The following PLEKHA5 variants were observed in gnomAD, a reference collection of about 807,000 sequenced individuals.
PLEKHA5 encodes the protein pleckstrin homology domain-containing family A member 5.
A neutral mutation model predicts 181.9 loss-of-function variants in PLEKHA5; 55 were observed. That is an observed-to-expected ratio of 0.30 (90% CI 0.24 to 0.38). The LOEUF is 0.38. PLEKHA5 is among the 10% of genes least tolerant of loss of function. The pLI, the probability that PLEKHA5 is intolerant of heterozygous loss-of-function variation, is 1.00. For synonymous variants in PLEKHA5, 535 were observed against 529.4 expected (o/e 1.01, Z -0.15); for missense variants, 1,432 against 1,549.5 (o/e 0.92, Z 1.27).
At chr12:19,289,283 C>G (rs2077888542) in intron 13 of PLEKHA5, among the ~76,000 whole-genome samples, 1 of 152,226 alleles carries the variant, frequency 6.6e-6, no homozygotes. Flanking sequence ...ATAGTAACTT[C>G]TGCTAACACT....
chr12:19,318,328 A>G (rs916843818), intron 16 of PLEKHA5, among the ~76,000 whole-genome samples: 11 of 152,254 alleles, frequency 7.2e-5, no homozygotes, highest in African/African-American at 2.6e-4. Context: ...ATATATTTAT[A>G]TGGCTATAAA....
At chr12:19,136,086 A>G (rs1180309738) in intron 3 of PLEKHA5, among the ~76,000 whole-genome samples, 1 of 151,974 alleles carries the variant, frequency 6.6e-6, no homozygotes, top group Non-Finnish European at 1.5e-5. Flanking sequence ...GGGTCTTCCT[A>G]TGTTGCCCAG....
Position 19,322,373 on chromosome 12 carries a change from C to G in PLEKHA5, c.2281C>G (p.Gln761Glu). The G allele has an allele frequency of 6.2e-7, 1 of 1,611,564 alleles. No individual in the cohort carries two copies. The highest frequency in any genetic ancestry group is 8.5e-7 in the Non-Finnish European group (1 of 1,177,770). The change falls in exon 19 of 32, where the codon CAA (glutamine) becomes GAA (glutamate). Residue 761 changes from glutamine (Q) to glutamate (E), a missense_variant. Physicochemically the swap from Gln to Glu is conservative, Grantham distance 29. Around this residue, in one of 2 missense-constraint regions of PLEKHA5, gnomAD observed 1,143 missense variants for 1,168.4 expected, o/e 0.98. Transcript: ENST00000429027. ...VVHALEEKLQ[Q>E]LHKEKYTLEQ... Reference sequence around the variant, plus strand: ...GCATGCTCTGGAAGAGAAACTTCAGCAACTCCACAAGGAGAAAGTAGGACA... The same window carrying G: ...GCATGCTCTGGAAGAGAAACTTCAGGAACTCCACAAGGAGAAAGTAGGACA...
At chr12:19,307,659 C>A in intron 15 of PLEKHA5, 1 of 327,634 alleles carries the variant, frequency 3.1e-6, no homozygotes, top group South Asian at 3.5e-5. Context: ...GTCTAGGAGT[C>A]GTTGATGATT....
intron 13 of PLEKHA5, among the ~76,000 whole-genome samples, chr12:19,288,667 C>T (rs977813332): frequency 3.3e-5 from 5 of 152,098 alleles, no homozygotes; most frequent in Admixed American, 6.6e-5. Context: ...CTTTAAGCTT[C>T]CTGCAGTTTA....
intron 16 of PLEKHA5, among the ~76,000 whole-genome samples, chr12:19,317,856 G>A (rs2452184): frequency 0.011 from 1,698 of 148,184 alleles, 28 homozygotes; most frequent in African/African-American, 0.04. Context: ...TTACTACATA[G>A]CCCATTTTTT....
At chr12:19,356,361 CA>C (rs897940570) in intron 26 of PLEKHA5, among the ~76,000 whole-genome samples, 1 of 150,884 alleles carries the variant, frequency 6.6e-6, no homozygotes, top group Non-Finnish European at 1.5e-5. Flanking sequence ...CAAAAATTAC[CA>C]AAAAAAATTA....
intron 3 of PLEKHA5, among the ~76,000 whole-genome samples, chr12:19,134,260 G>A (rs1174534188): frequency 6.6e-6 from 1 of 151,920 alleles, no homozygotes; most frequent in Non-Finnish European, 1.5e-5. Flanking sequence ...TTATTTGAGT[G>A]CCATGTCTAA....
intron 3 of PLEKHA5, among the ~76,000 whole-genome samples, chr12:19,223,485 C>A (rs1321094297): frequency 6.6e-6 from 1 of 152,070 alleles, no homozygotes; most frequent in African/African-American, 2.4e-5. Context: ...CAATCCACAG[C>A]CATACTTGTT....
intron 8 of PLEKHA5, 79 bp downstream of exon 8, chr12:19,265,929 C>CA (rs1458644352): frequency 7.1e-6 from 5 of 699,492 alleles, no homozygotes; most frequent in East Asian, 5.3e-5. Context: ...TAGATTATTA[C>CA]AAAAAAGCTA....
intron 24 of PLEKHA5, among the ~76,000 whole-genome samples, 194 bp from the exon 25 acceptor site, chr12:19,348,205 C>T (rs79096559): frequency 0.093 from 14,084 of 152,072 alleles, 901 homozygotes; most frequent in Admixed American, 0.17. Context: ...AATATTAAAA[C>T]GAAGTTTTGC....
intron 13 of PLEKHA5, among the ~76,000 whole-genome samples, chr12:19,288,521 T>G (rs1465935695): frequency 6.6e-6 from 1 of 152,210 alleles, no homozygotes; most frequent in Non-Finnish European, 1.5e-5. Flanking sequence ...AAAGATGTGA[T>G]TTTAGCACCT....
rs1258966466 is a variant in PLEKHA5, at chr12:19,347,142, T to A, written c.2858T>A (p.Met953Lys). The change falls in exon 24 of 32, where the codon ATG (methionine) becomes AAG (lysine). Residue 953 changes from methionine (M) to lysine (K), a missense_variant. By Grantham distance (95) the Met-to-Lys change is moderately conservative (BLOSUM62 -1). Around this residue, in one of 2 missense-constraint regions of PLEKHA5, gnomAD observed 1,143 missense variants for 1,168.4 expected, o/e 0.98. Coordinates refer to ENST00000429027, the MANE Select transcript of PLEKHA5 (RefSeq NM_001256470.2). ...GTTCATCTGCCTGAAGAAAAGAAGA[T>A]GTATCAAGTTCAAGGATATCCAAGA... is the stretch of plus-strand genomic sequence containing the variant. Reference protein sequence around the residue: ...GPVHLPEEKKMYQVQGYPRNG... With the variant: ...GPVHLPEEKKKYQVQGYPRNG... 3 of 1,550,270 alleles carry A rather than the reference T, an allele frequency of 1.9e-6. No homozygotes were observed. The highest frequency in any genetic ancestry group is 2.4e-5 in the East Asian group (1 of 40,878).
chr12:19,175,911 G>A (rs769108329), intron 3 of PLEKHA5, among the ~76,000 whole-genome samples: 1 of 152,084 alleles, frequency 6.6e-6, no homozygotes, highest in Non-Finnish European at 1.5e-5. Flanking sequence ...ACAATCAATA[G>A]GATTCTGCCC....
intron 11 of PLEKHA5, among the ~76,000 whole-genome samples, chr12:19,281,952 T>C (rs2076277470): frequency 6.6e-6 from 1 of 152,082 alleles, no homozygotes; most frequent in Non-Finnish European, 1.5e-5. Flanking sequence ...CGGCTAATTT[T>C]TTTGTATTTT....
intron 3 of PLEKHA5, among the ~76,000 whole-genome samples, chr12:19,196,196 C>T (rs1312382110): frequency 2.0e-5 from 3 of 152,008 alleles, no homozygotes; most frequent in Non-Finnish European, 4.4e-5. Context: ...TCTCAGTTGT[C>T]AACAAAGATT....
intron 28 of PLEKHA5, among the ~76,000 whole-genome samples, chr12:19,361,160 A>C (rs1358488052): frequency 6.6e-6 from 1 of 152,078 alleles, no homozygotes; most frequent in Non-Finnish European, 1.5e-5. Flanking sequence ...TATTTGATAG[A>C]GTGTGATTGT....
At chr12:19,368,877 G>A (rs1274116631) in intron 30 of PLEKHA5, among the ~76,000 whole-genome samples, 3 of 151,942 alleles carry the variant, frequency 2.0e-5, no homozygotes, top group Non-Finnish European at 2.9e-5. Context: ...TTATTATGCA[G>A]CAGGTCTGGA....
chr12:19,211,112 A>G (rs1254784716), intron 3 of PLEKHA5, among the ~76,000 whole-genome samples: 1 of 152,158 alleles, frequency 6.6e-6, no homozygotes, highest in Non-Finnish European at 1.5e-5. Context: ...ATTATGAAAT[A>G]ATTAATGTAA....
Sources: gnomAD v4.1 joint callset for allele counts (sites outside exome capture counted in the v4.1 genomes callset) on GRCh38, gnomAD v4.1.1 for gene constraint, gnomAD v4.1.1 regional missense constraint, MANE v1.5 for transcripts, NCBI Gene and HGNC (gene_info 2026-07-23, HGNC 2026-07-21) for gene names.